SYNJ2: variants seen among roughly 807,000 people sequenced by gnomAD.
The protein encoded by SYNJ2 is synaptojanin 2.
SYNJ2 carries 116 observed loss-of-function variants against 141.3 expected under a neutral mutation model. That is an observed-to-expected ratio of 0.82 (90% CI 0.71 to 0.96). The LOEUF is 0.96. SYNJ2 is among the 40% of genes least tolerant of loss of function. The pLI, the probability that SYNJ2 is intolerant of heterozygous loss-of-function variation, is 0.00. For synonymous variants in SYNJ2, 745 were observed against 777.7 expected (o/e 0.96, Z 0.70); for missense variants, 1,873 against 1,934.8 (o/e 0.97, Z 0.60).
intron 11 of SYNJ2, 147 bp downstream of exon 11, chr6:158,065,138 C>A: frequency 9.3e-7 from 1 of 1,077,474 alleles, no homozygotes; most frequent in Non-Finnish European, 1.3e-6. Flanking sequence ...CTGTCACTGC[C>A]TCTCCCGGGA....
chr6:158,074,945 T>C (rs866830355), intron 16 of SYNJ2, among the ~76,000 whole-genome samples: 6 of 135,104 alleles, frequency 4.4e-5, no homozygotes, highest in South Asian at 2.4e-4. Flanking sequence ...TTTTTTTTTT[T>C]CCTGAGGCAG....
At chr6:158,061,897 T>G (rs972720370) in intron 7 of SYNJ2, 95 bp from the exon 8 acceptor site, 2 of 1,298,270 alleles carry the variant, frequency 1.5e-6, no homozygotes, top group African/African-American at 2.9e-5. Flanking sequence ...GCGAGTCACC[T>G]TGGTTAGCCG....
rs1387216631 is a variant in SYNJ2, at chr6:158,054,969, T to A, written c.798T>A (p.Val266=). ...GTTGTTACTTCTCTTTGCTTTAGGTTGGCTCCCATCATCTGAGACTCCACA... is the reference window on the plus strand; with the variant it reads ...GTTGTTACTTCTCTTTGCTTTAGGTAGGCTCCCATCATCTGAGACTCCACA... ...PLFWEQPGLQ[V]GSHHLRLHRG... The change falls in exon 6 of 27, where the codon GTT becomes GTA. Residue 266 remains valine, a splice_region_variant and synonymous_variant. Coordinates refer to ENST00000355585, the MANE Select transcript of SYNJ2 (RefSeq NM_003898.4). 4 of 1,614,078 alleles carry A rather than the reference T, an allele frequency of 2.5e-6. No homozygotes were observed. Among genetic ancestry groups the A allele is most frequent in the Non-Finnish European group, 3.4e-6 (4 of 1,180,024 alleles).
At chr6:158,003,484 G>A (rs1777935421) in intron 1 of SYNJ2, among the ~76,000 whole-genome samples, 1 of 152,190 alleles carries the variant, frequency 6.6e-6, no homozygotes, top group South Asian at 2.1e-4. Context: ...ATTAACACAT[G>A]AAGGAGACTT....
chr6:158,016,195 C>T (rs1371251319), intron 1 of SYNJ2, among the ~76,000 whole-genome samples: 1 of 152,208 alleles, frequency 6.6e-6, no homozygotes, highest in African/African-American at 2.4e-5. Flanking sequence ...CTCACTGCAA[C>T]CTCCACCTCC....
chr6:158,095,993 G>T lies in SYNJ2; in HGVS notation c.4120G>T (p.Ala1374Ser). The change falls in exon 27 of 27, where the codon GCG becomes TCG. Residue 1374 changes from alanine to serine, a missense_variant. By Grantham distance (99) the Ala-to-Ser change is moderately conservative (BLOSUM62 1). Coordinates refer to ENST00000355585, the MANE Select transcript of SYNJ2 (RefSeq NM_003898.4). Reference protein sequence around the residue: ...SDSPSGHPPAAGTVFPQGDFL... With the variant: ...SDSPSGHPPASGTVFPQGDFL... ...CAGCCCCTCTGGGCACCCACCTGCC[G>T]CGGGCACCGTCTTCCCACAAGGGGA... The T allele has an allele frequency of 2.5e-6, 4 of 1,614,182 alleles. No individual in the cohort carries two copies. Among genetic ancestry groups the T allele is most frequent in the Non-Finnish European group, 2.5e-6 (3 of 1,180,046 alleles).
At chr6:158,010,306 A>G (rs1391331226) in intron 1 of SYNJ2, among the ~76,000 whole-genome samples, 1 of 152,232 alleles carries the variant, frequency 6.6e-6, no homozygotes, top group Non-Finnish European at 1.5e-5. Flanking sequence ...TTCTTCCTTC[A>G]AACATAATTG....
chr6:158,068,167 G>C (rs1289473259), intron 12 of SYNJ2, among the ~76,000 whole-genome samples: 1 of 146,378 alleles, frequency 6.8e-6, no homozygotes, highest in Non-Finnish European at 1.5e-5. Flanking sequence ...AAAGCTTTAA[G>C]TCAGGGAAAC....
rs1583461688 is a variant in SYNJ2, at chr6:158,071,528, C to G, written c.1941-74C>G. On this transcript the variant is annotated intron_variant, in intron 14 of 26. Transcript: ENST00000355585. The surrounding 1 kb of genome is among the most constrained non-coding windows in gnomAD (Gnocchi z 4.3). ...CAGCAGGTCCCGAGCTGCTGCTGGG[C>G]CCTTCTCTGTGGCAAAGCAGGGTCA... 6.5e-7 allele frequency: 1 copy of G among 1,533,848 alleles called. No individual in the cohort carries two copies. The highest frequency in any genetic ancestry group is 8.8e-7 in the Non-Finnish European group (1 of 1,133,340).
At chr6:158,049,432 G>A (rs1780434915) in intron 5 of SYNJ2, among the ~76,000 whole-genome samples, 2 of 152,278 alleles carry the variant, frequency 1.3e-5, no homozygotes, top group South Asian at 4.1e-4. Flanking sequence ...AAGGAACCCA[G>A]ACAAAAGGGA....
chr6:158,076,860 A>T lies in SYNJ2; in HGVS notation c.2449+78A>T, dbSNP rs189187572. The T allele has an allele frequency of 6.7e-5, 99 of 1,485,710 alleles. No individual in the cohort carries two copies. The Middle Eastern group carries it at 1.5e-3, about 22-fold the overall frequency. 92.0% of individuals were successfully genotyped at this position (1,485,710 alleles called of 1,614,324 possible). On this transcript the variant is annotated intron_variant, in intron 17 of 26. Transcript: ENST00000355585. Reference sequence around the variant, plus strand: ...ACGGAGGGAGAGTCACGTTTACCCAACCCCAGGCGCTGCTACATAAATCAG... The same window carrying T: ...ACGGAGGGAGAGTCACGTTTACCCATCCCCAGGCGCTGCTACATAAATCAG...
chr6:158,000,698 C>A (rs941108050), intron 1 of SYNJ2, among the ~76,000 whole-genome samples: 1 of 152,064 alleles, frequency 6.6e-6, no homozygotes, highest in Non-Finnish European at 1.5e-5. Context: ...GTAAACACAA[C>A]CCCCGCCACC....
At chr6:158,024,156 G>A (rs1340599248) in intron 2 of SYNJ2, among the ~76,000 whole-genome samples, 1 of 152,168 alleles carries the variant, frequency 6.6e-6, no homozygotes, top group Non-Finnish European at 1.5e-5. Context: ...CAGGCACGGT[G>A]GCTCATGCCT....
intron 26 of SYNJ2, among the ~76,000 whole-genome samples, chr6:158,093,454 A>C (rs369526371): frequency 0.019 from 1,918 of 100,944 alleles, 54 homozygotes; most frequent in African/African-American, 0.07. Flanking sequence ...AAAAAACAAA[A>C]AAAAAAAAAC....
chr6:158,091,468 G>A (rs886260192), intron 25 of SYNJ2, among the ~76,000 whole-genome samples: 18 of 151,758 alleles, frequency 1.2e-4, no homozygotes, highest in Non-Finnish European at 2.2e-4. Flanking sequence ...GGGGCTGGGT[G>A]CTGGGTGCAG....
chr6:158,069,091 C>T (rs1781749006), intron 13 of SYNJ2, among the ~76,000 whole-genome samples: 1 of 152,084 alleles, frequency 6.6e-6, no homozygotes, highest in African/African-American at 2.4e-5. Flanking sequence ...CTCATGTTTC[C>T]TGGGGAGAGG....
At chr6:158,075,985 G>A (rs1782260184) in intron 16 of SYNJ2, among the ~76,000 whole-genome samples, 2 of 152,190 alleles carry the variant, frequency 1.3e-5, no homozygotes, top group Admixed American at 1.3e-4. Flanking sequence ...AAGCCCAGGA[G>A]TTTGAGACCA....
At chr6:158,004,230 C>T (rs1047912231) in intron 1 of SYNJ2, among the ~76,000 whole-genome samples, 5 of 152,108 alleles carry the variant, frequency 3.3e-5, no homozygotes, top group Admixed American at 1.3e-4. Context: ...GGGCTGCATT[C>T]CCAGGAGGTT....
At position 158,033,530 on chromosome 6, in the gene SYNJ2, G is replaced by A; in HGVS notation, c.561G>A (p.Gly187=). 6.2e-7 allele frequency: 1 copy of A among 1,614,194 alleles called. No homozygotes were observed. The highest frequency in any genetic ancestry group is 8.5e-7 in the Non-Finnish European group (1 of 1,180,058). ...CCDWLLKIIC[G]VVTIRTVYAS... ...ACTGGCTGCTGAAGATCATCTGCGG[G>A]GTGGTCACCATCCGCACCGTGTATG... Residue 187 remains glycine, a synonymous_variant, in exon 4 of 27, where the codon GGG becomes GGA. Transcript: ENST00000355585.
Sources: allele counts gnomAD v4.1 joint callset (sites outside exome capture counted in the v4.1 genomes callset), GRCh38; gene constraint gnomAD v4.1.1; non-coding constraint Gnocchi (gnomAD v3.1); transcripts MANE v1.5; gene names NCBI Gene and HGNC (gene_info 2026-07-23, HGNC 2026-07-21).